Variants in FRMPD4 observed in about 807,000 individuals in gnomAD.
The protein encoded by FRMPD4 is FERM and PDZ domain-containing protein 4.
FRMPD4 carries 22 observed loss-of-function variants against 94.1 expected under a neutral mutation model. The ratio of observed to expected loss-of-function variants is 0.23; its 90% CI spans 0.17 to 0.33. The LOEUF (loss-of-function observed/expected upper bound fraction) is 0.33. Ranked by LOEUF, FRMPD4 falls within the 10% of genes least tolerant of loss-of-function variation. The probability of loss-of-function intolerance (pLI) is 1.00; values close to 1 mark genes in which losing one functional copy is unlikely to be tolerated. For missense variants in FRMPD4, 1,111 were observed against 1,339.9 expected (o/e 0.83, Z 2.67); for synonymous variants, 631 against 548.6 (o/e 1.15, Z -2.10).
At chrX:12,344,709 A>G (rs993051581) in intron 1 of FRMPD4, among the ~76,000 whole-genome samples, 4 of 112,412 alleles carry the variant, frequency 3.6e-5, no homozygotes, top group Non-Finnish European at 3.8e-5. Flanking sequence ...GTGAGATTTC[A>G]TTGACCTTTG....
chrX:12,255,756 G>A (rs1279611318), intron 1 of FRMPD4, among the ~76,000 whole-genome samples: 2 of 111,953 alleles, frequency 1.8e-5, no homozygotes, highest in Non-Finnish European at 3.8e-5. Flanking sequence ...AAGGCAATAG[G>A]TTTGTAGATG....
intron 3 of FRMPD4, among the ~76,000 whole-genome samples, chrX:12,024,001 A>G (rs189698160): frequency 1.2e-4 from 13 of 111,573 alleles, no homozygotes; most frequent in African/African-American, 4.2e-4. Context: ...CTGCAGTCGA[A>G]CCACAAAGCT....
chrX:12,374,597 C>G (rs751804504), intron 1 of FRMPD4, among the ~76,000 whole-genome samples: 1 of 111,760 alleles, frequency 8.9e-6, no homozygotes, highest in Non-Finnish European at 1.9e-5. Flanking sequence ...CAAAAGAGTC[C>G]GAGATGAACA....
At chrX:12,546,841 G>A (rs771669776) in intron 2 of FRMPD4, among the ~76,000 whole-genome samples, 92 of 108,083 alleles carry the variant, frequency 8.5e-4, no homozygotes, top group Non-Finnish European at 1.2e-3. Context: ...GGCACTGACC[G>A]TGTCCTCCTC....
At chrX:12,511,440 G>A (rs1248054227) in intron 2 of FRMPD4, among the ~76,000 whole-genome samples, 1 of 110,328 alleles carries the variant, frequency 9.1e-6, no homozygotes, top group African/African-American at 3.3e-5. Flanking sequence ...TCAACAAAGA[G>A]ACACAAACTA....
intron 3 of FRMPD4, among the ~76,000 whole-genome samples, chrX:12,069,693 C>T (rs1302713872): frequency 9.0e-6 from 1 of 111,445 alleles, no homozygotes; most frequent in Middle Eastern, 4.6e-3. Context: ...CCCAGGGCAC[C>T]CCAGTGTTTT....
rs747320680 is a variant in FRMPD4 at position 11,825,190 on chromosome X, T to TTGTGTGTG, written c.-161+2516_-161+2523dup. Among the ~76,000 whole-genome samples the TTGTGTGTG allele has an allele frequency of 7.2e-3, 577 of 80,152 alleles. 5 individuals carry two copies. Among genetic ancestry groups the TTGTGTGTG allele is most frequent in the African/African-American group, 9.5e-3 (195 of 20,577 alleles). 69.6% of individuals were successfully genotyped at this position (80,152 alleles called of 115,157 possible). ...TCCTGAGCTGCAGGATGTGTCTTCT[T>TTGTGTGTG]TGTGTGTGTGTGTGTGTGTGTGTGT... On this transcript the variant is annotated intron_variant, in intron 1 of 18. Coordinates refer to the FRMPD4 transcript ENST00000640291.
At position 12,557,765 on chromosome X, in the gene FRMPD4, G is replaced by A. The variant is rs1485671638; in HGVS notation, c.159-51956G>A. Among the ~76,000 whole-genome samples, 46 of 111,414 alleles carry A rather than the reference G, an allele frequency of 4.1e-4. 1 individual carries two copies. Among genetic ancestry groups the A allele is most frequent in the Non-Finnish European group, 7.5e-5 (4 of 53,101 alleles). On this transcript the variant is annotated intron_variant, in intron 2 of 16. Transcript: ENST00000675598. The stretch of plus-strand genomic sequence containing the variant: ...TGAATGCTGGACCCCCCCTCCCCAG[G>A]TGGGCCCTGACCTTTACCTGGCTAT...
intron 1 of FRMPD4, among the ~76,000 whole-genome samples, chrX:12,466,461 A>G (rs977233131): frequency 8.9e-6 from 1 of 112,333 alleles, no homozygotes; most frequent in Non-Finnish European, 1.9e-5. Context: ...GAATGCATCC[A>G]TGGTCTTCAC....
intron 2 of FRMPD4, among the ~76,000 whole-genome samples, chrX:12,571,405 T>C (rs1165270836): frequency 2.7e-5 from 3 of 112,777 alleles, no homozygotes; most frequent in Non-Finnish European, 3.7e-5. Context: ...AATGGCTTAA[T>C]GGGAGCTAAA....
At chrX:12,067,310 T>C (rs1368553071) in intron 3 of FRMPD4, among the ~76,000 whole-genome samples, 1 of 111,612 alleles carries the variant, frequency 9.0e-6, no homozygotes, top group Non-Finnish European at 1.9e-5. Context: ...CATTATCCAG[T>C]TCCCAGAAAT....
intron 1 of FRMPD4, among the ~76,000 whole-genome samples, chrX:12,195,534 G>A (rs1420031759): frequency 1.8e-5 from 2 of 111,774 alleles, no homozygotes; most frequent in African/African-American, 3.3e-5. Context: ...TTCTGCCTGC[G>A]GAAGCCCATC....
chrX:12,632,326 C>T (rs963391075), intron 4 of FRMPD4, among the ~76,000 whole-genome samples: 4 of 111,430 alleles, frequency 3.6e-5, no homozygotes, highest in Non-Finnish European at 5.7e-5. Context: ...TATAGGCATT[C>T]TGTGAGAGAC....
chrX:12,111,284 A>G (rs1404260995), intron 3 of FRMPD4, among the ~76,000 whole-genome samples: 1 of 111,809 alleles, frequency 8.9e-6, no homozygotes, highest in East Asian at 2.8e-4. Context: ...CAACCATCTG[A>G]TCTTTGACAA....
At chrX:12,462,932 T>C (rs1311715615) in intron 1 of FRMPD4, among the ~76,000 whole-genome samples, 2 of 111,381 alleles carry the variant, frequency 1.8e-5, no homozygotes, top group Non-Finnish European at 3.8e-5. Flanking sequence ...GAGGCTGTAG[T>C]GAGCCATGAT....
At chrX:12,214,288 T>C (rs1316498017) in intron 1 of FRMPD4, among the ~76,000 whole-genome samples, 1 of 111,562 alleles carries the variant, frequency 9.0e-6, no homozygotes, top group African/African-American at 3.3e-5. Context: ...ACGTAAGATA[T>C]TCTCTTGCCG....
rs191678308 is a variant in FRMPD4 at position 12,160,033 on chromosome X, C to T, written c.41+21021C>T. ...ATGGGAACAGGCGTGGCTCCTAACA[C>T]ATGCTGTGAACTGAGGTAGCTGTAG... On this transcript the variant is annotated intron_variant, in intron 1 of 16. Coordinates refer to ENST00000675598, the MANE Select transcript of FRMPD4 (RefSeq NM_001368397.1). Among the ~76,000 whole-genome samples the T allele has an allele frequency of 2.2e-4, 24 of 109,204 alleles. No individual in the cohort carries two copies. The East Asian group carries it at 6.6e-3, about 30-fold the overall frequency. The allele number at this position is 109,204 out of a possible 115,157, so 94.8% of individuals were successfully genotyped here. A position where few individuals can be genotyped will look rare whatever the true frequency, so the allele number is the denominator to read the frequency against.
intron 1 of FRMPD4, among the ~76,000 whole-genome samples, chrX:11,845,498 A>G (rs1321538326): frequency 9.1e-6 from 1 of 109,735 alleles, no homozygotes; most frequent in Non-Finnish European, 1.9e-5. Flanking sequence ...CAATCAATAG[A>G]AAAAGAGGGA....
At chrX:12,363,865 G>A (rs2056034549) in intron 1 of FRMPD4, among the ~76,000 whole-genome samples, 1 of 111,468 alleles carries the variant, frequency 9.0e-6, no homozygotes, top group African/African-American at 3.3e-5. Flanking sequence ...AAATAAAGAA[G>A]CAGGTGATGG....
Sources: gnomAD v4.1 joint callset for allele counts (sites outside exome capture counted in the v4.1 genomes callset) on GRCh38, gnomAD v4.1.1 for gene constraint, MANE v1.5 for transcripts, NCBI Gene and HGNC (gene_info 2026-07-23, HGNC 2026-07-21) for gene names.